The following LY9 variants were observed in gnomAD, a reference collection of about 807,000 sequenced individuals.
The protein encoded by LY9 is lymphocyte antigen 9.
Under a neutral mutation model 64.6 loss-of-function variants are expected in LY9, and 59 were observed. The ratio of observed to expected loss-of-function variants is 0.91; its 90% CI spans 0.74 to 1.13. LY9 has a LOEUF of 1.13. Among genes scored for constraint, LY9 ranks in the 50% most tolerant of loss-of-function variants. The pLI is 0.00. For missense variants in LY9, 789 were observed against 797.2 expected, an observed-to-expected ratio of 0.99 and a Z score of 0.12; for synonymous variants, 281 against 308.5, an observed-to-expected ratio of 0.91 and a Z score of 0.93.
Position 160,824,267 on chromosome 1 carries a change from C to A in LY9, c.1899+18C>A. ...AACCTCAGGTGGTGAGAACTACATT[C>A]TCTGTATCCCAAGGCCCACAGAGTG... On this transcript the variant is annotated intron_variant, in intron 9 of 9. Transcript: ENST00000263285. 6.2e-7 allele frequency: 1 copy of A among 1,613,976 alleles called. No individual in the cohort carries two copies. Among genetic ancestry groups the A allele is most frequent in the Non-Finnish European group, 8.5e-7 (1 of 1,179,916 alleles).
chr1:160,801,032 G>A (rs1666424200), intron 2 of LY9, among the ~76,000 whole-genome samples: 1 of 152,150 alleles, frequency 6.6e-6, no homozygotes, highest in Non-Finnish European at 1.5e-5. Context: ...TACAAATGCA[G>A]GTATTCCTTG....
intron 5 of LY9, among the ~76,000 whole-genome samples, chr1:160,817,122 G>A (rs372664320): frequency 1.3e-5 from 2 of 152,118 alleles, no homozygotes; most frequent in South Asian, 2.1e-4. Flanking sequence ...ATTATTCAAC[G>A]TGTATTCAAT....
At chr1:160,818,421 C>A (rs1668125588) in intron 6 of LY9, 102 bp downstream of exon 6, 2 of 803,738 alleles carry the variant, frequency 2.5e-6, no homozygotes, top group Non-Finnish European at 4.1e-6. Flanking sequence ...CCCCTCCCTG[C>A]CAGCATCTTA....
chr1:160,798,884 G>T (rs1666163827), intron 1 of LY9: 1 of 152,120 alleles, frequency 6.6e-6, no homozygotes, highest in African/African-American at 2.4e-5. Context: ...TTTCAAAAGT[G>T]CTCTCCAGAG....
chr1:160,825,502 G>A (rs1419001719), intron 9 of LY9, among the ~76,000 whole-genome samples: 3 of 152,158 alleles, frequency 2.0e-5, no homozygotes, highest in Non-Finnish European at 4.4e-5. Flanking sequence ...AATTCACCTT[G>A]ATCTGGCTGT....
Position 160,796,324 on chromosome 1 carries a change from T to C in LY9, c.124+13T>C. On this transcript the variant is annotated intron_variant, in intron 1 of 9. Transcript: ENST00000263285. The stretch of plus-strand genomic sequence containing the variant: ...TTCCTGCTCATGGGTAAGTCCACTT[T>C]ATGGCCACCACTTCTTGCTACTGCG... 6.2e-7 allele frequency: 1 copy of C among 1,610,560 alleles called. No homozygotes were observed.
rs142216031 is a variant in LY9, at chr1:160,798,427, A to C, written c.125-1326A>C. Reference sequence around the variant, plus strand: ...TAATTATAGTATAGTTATGAGAATTAAATGAGATAATTTACATAAAGTACC... The same window carrying C: ...TAATTATAGTATAGTTATGAGAATTCAATGAGATAATTTACATAAAGTACC... On this transcript the variant is annotated intron_variant, in intron 1 of 9. Transcript: ENST00000263285. Among the ~76,000 whole-genome samples the C allele has an allele frequency of 1.0e-3, 155 of 152,350 alleles. 1 individual carries two copies. The highest frequency in any genetic ancestry group is 1.6e-3 in the Non-Finnish European group (109 of 68,036).
chr1:160,824,740 G>A (rs1245244654), intron 9 of LY9: 4 of 741,476 alleles, frequency 5.4e-6, no homozygotes, highest in Admixed American at 6.3e-5. Context: ...AGCACTTTGG[G>A]AGGCCAAGGC....
chr1:160,806,135 C>T (rs1313685518), intron 2 of LY9, among the ~76,000 whole-genome samples: 1 of 152,056 alleles, frequency 6.6e-6, no homozygotes, highest in Non-Finnish European at 1.5e-5. Context: ...CACCATTCTA[C>T]ATCTTTTAAA....
intron 7 of LY9, among the ~76,000 whole-genome samples, chr1:160,822,680 AT>A (rs1668561732): frequency 6.6e-6 from 1 of 152,154 alleles, no homozygotes; most frequent in South Asian, 2.1e-4. Context: ...GGGCTACTTC[AT>A]GTGCCCCACA....
At chr1:160,810,627 C>T (rs1045527123) in intron 2 of LY9, 4 of 152,200 alleles carry the variant, frequency 2.6e-5, no homozygotes, top group African/African-American at 7.2e-5. Flanking sequence ...GGACAGAATT[C>T]AGCCCTAACA....
At chr1:160,827,407 A>G (rs1668914958) in intron 9 of LY9, among the ~76,000 whole-genome samples, 1 of 152,166 alleles carries the variant, frequency 6.6e-6, no homozygotes. Context: ...CTTCTTATAA[A>G]TGTTCGTTTT....
In LY9 at chr1:160,824,175, T is replaced by A. The variant is rs200750959; in HGVS notation, c.1831-6T>A. 7.9e-5 allele frequency: 127 copies of A among 1,614,052 alleles called. No individual in the cohort carries two copies. The highest frequency in any genetic ancestry group is 1.0e-4 in the Non-Finnish European group (119 of 1,180,026). ...CTAGGGCTCATCTGCTGTTGGTGTG[T>A]TACAGGGAAAGACCCCAGTTTCTCA... On this transcript the variant is annotated splice_region_variant and splice_polypyrimidine_tract_variant and intron_variant, in intron 8 of 9. Coordinates refer to ENST00000263285, the MANE Select transcript of LY9 (RefSeq NM_002348.4).
chr1:160,823,077 G>C (rs1668598535), intron 7 of LY9, among the ~76,000 whole-genome samples: 1 of 152,128 alleles, frequency 6.6e-6, no homozygotes, highest in Non-Finnish European at 1.5e-5. Context: ...ACTTGGCAAA[G>C]CTGGCCTTAC....
chr1:160,820,222 T>C (rs1668306975), intron 7 of LY9, among the ~76,000 whole-genome samples: 1 of 152,126 alleles, frequency 6.6e-6, no homozygotes, highest in Non-Finnish European at 1.5e-5. Context: ...CAGGAGACTG[T>C]ACAACCTATT....
chr1:160,797,890 C>T (rs1025235009), intron 1 of LY9, among the ~76,000 whole-genome samples: 5 of 144,988 alleles, frequency 3.4e-5, no homozygotes, highest in African/African-American at 7.7e-5. Flanking sequence ...CACACACACA[C>T]GTATAGTGGC....
rs762743164 is a variant in LY9, at chr1:160,813,589, T to A, written c.455-47T>A. The A allele has an allele frequency of 6.3e-6, 10 of 1,580,746 alleles. No individual in the cohort carries two copies. The East Asian group carries it at 2.2e-4, about 35-fold the overall frequency. ...CTCCCTTCTTCTCTCAGCGCTTTCC[T>A]GCTGGCAAAAGGATCTGAGCATCTT... On this transcript the variant is annotated intron_variant, in intron 2 of 9. Coordinates refer to ENST00000263285, the MANE Select transcript of LY9 (RefSeq NM_002348.4).
At chr1:160,816,029 C>T (rs557028895) in intron 4 of LY9, among the ~76,000 whole-genome samples, 4 of 152,152 alleles carry the variant, frequency 2.6e-5, no homozygotes, top group South Asian at 2.1e-4. Context: ...TGAAGCAAGT[C>T]GGCCAAGTCC....
intron 7 of LY9, among the ~76,000 whole-genome samples, chr1:160,820,071 G>A (rs1162879579): frequency 4.6e-5 from 7 of 152,164 alleles, no homozygotes; most frequent in Admixed American, 1.3e-4. Context: ...GGTTCCTTGG[G>A]CATTAGCCAT....
Sources: gnomAD v4.1 joint callset for allele counts (sites outside exome capture counted in the v4.1 genomes callset) on GRCh38, gnomAD v4.1.1 for gene constraint, MANE v1.5 for transcripts, NCBI Gene and HGNC (gene_info 2026-07-23, HGNC 2026-07-21) for gene names.